PIP4K2A: variants seen among roughly 807,000 people sequenced by gnomAD.
PIP4K2A encodes the protein phosphatidylinositol-5-phosphate 4-kinase type 2 alpha, also known as phosphatidylinositol 5-phosphate 4-kinase type-2 alpha.
Under a neutral mutation model 42.9 loss-of-function variants are expected in PIP4K2A, and 14 were observed. The observed-to-expected ratio is 0.33, with a 90% confidence interval of 0.22 to 0.51. The LOEUF (loss-of-function observed/expected upper bound fraction) is 0.51, where lower values mean the gene tolerates loss of function less well. PIP4K2A is among the 20% of genes least tolerant of loss of function. The pLI is 0.97. For missense variants in PIP4K2A, 434 were observed against 519.8 expected (o/e 0.83, Z 1.61); for synonymous variants, 192 against 192.2 (o/e 1.00, Z 0.01).
Position 22,675,521 on chromosome 10 carries a change from G to C in PIP4K2A, c.144+38662C>G, listed in dbSNP as rs555143962. Among the ~76,000 whole-genome samples, 51 of 152,254 alleles carry C rather than the reference G, an allele frequency of 3.3e-4. No homozygotes were observed. The South Asian group carries it at 0.01, about 30-fold the overall frequency. ...GAATCGCTTGAACCCGGGAGGTGGA[G>C]GTTGCAGTCAGTGAGCCAAGATTGC... On this transcript the variant is annotated intron_variant, in intron 1 of 9. Coordinates refer to ENST00000376573, the MANE Select transcript of PIP4K2A (RefSeq NM_005028.5).
intron 1 of PIP4K2A, among the ~76,000 whole-genome samples, chr10:22,626,602 C>T (rs1838444163): frequency 6.6e-6 from 1 of 152,106 alleles, no homozygotes; most frequent in African/African-American, 2.4e-5. Context: ...AGATTTTTCA[C>T]TTTAGGTTTT....
intron 1 of PIP4K2A, among the ~76,000 whole-genome samples, chr10:22,635,328 G>C (rs1233009155): frequency 6.6e-6 from 1 of 152,198 alleles, no homozygotes; most frequent in Non-Finnish European, 1.5e-5. Context: ...CAGTGGTGGG[G>C]AGGCTGAATG....
intron 1 of PIP4K2A, among the ~76,000 whole-genome samples, chr10:22,670,829 G>A (rs887463559): frequency 2.0e-5 from 3 of 152,076 alleles, no homozygotes; most frequent in South Asian, 4.1e-4. Flanking sequence ...GGACAGTAAC[G>A]TAATTCTAGC....
intron 1 of PIP4K2A, among the ~76,000 whole-genome samples, chr10:22,679,925 T>G (rs1288263866): frequency 1.3e-5 from 2 of 152,114 alleles, no homozygotes; most frequent in Admixed American, 1.3e-4. Context: ...GAAAATGTTC[T>G]AAGATTAGAT....
intron 1 of PIP4K2A, among the ~76,000 whole-genome samples, chr10:22,613,191 T>A (rs149440613): frequency 6.6e-6 from 1 of 151,746 alleles, no homozygotes; most frequent in Admixed American, 6.6e-5. Context: ...CAGGAGGTCC[T>A]TGGCAACCTT....
chr10:22,537,418 G>A lies in PIP4K2A; in HGVS notation c.1141-137C>T, dbSNP rs575510079. On this transcript the variant is annotated intron_variant, in intron 9 of 9. Coordinates refer to ENST00000376573, the MANE Select transcript of PIP4K2A (RefSeq NM_005028.5). ...TTCAAATCCATGCAGTCTCTGCTCT[G>A]AAAAACATCACTCAAAATATCTTGG... is the stretch of plus-strand genomic sequence containing the variant. 4.6e-6 allele frequency: 3 copies of A among 655,912 alleles called. No homozygotes were observed. In the South Asian group the frequency reaches 5.9e-5, roughly 13 times the overall value. The allele number at this position is 655,912 out of a possible 1,614,324, so 40.6% of individuals were successfully genotyped here.
At chr10:22,546,396 G>A (rs776918078) in intron 7 of PIP4K2A, among the ~76,000 whole-genome samples, 23 of 152,104 alleles carry the variant, frequency 1.5e-4, no homozygotes, top group Non-Finnish European at 2.5e-4. Flanking sequence ...GTTAATTCAC[G>A]GGCTCTCATC....
rs983877604 is a variant in PIP4K2A, at chr10:22,617,734, G to C, written c.145-8017C>G. On this transcript the variant is annotated intron_variant, in intron 1 of 9. Transcript: ENST00000376573. ...CGGAAGTGGCAGGGGGCCTGGAGGGGGAGCTATTTCATGGCAGCATGAGCA... is the reference window on the plus strand; with the variant it reads ...CGGAAGTGGCAGGGGGCCTGGAGGGCGAGCTATTTCATGGCAGCATGAGCA... Among the ~76,000 whole-genome samples, 13 of 152,078 alleles carry C rather than the reference G, an allele frequency of 8.5e-5. 1 individual carries two copies. Among genetic ancestry groups the C allele is most frequent in the Non-Finnish European group, 1.6e-4 (11 of 68,020 alleles).
chr10:22,634,192 A>T (rs1243830470), intron 1 of PIP4K2A, among the ~76,000 whole-genome samples: 2 of 152,248 alleles, frequency 1.3e-5, no homozygotes, highest in Admixed American at 1.3e-4. Context: ...ATCACAGAAG[A>T]GACCAAAGAG....
At chr10:22,593,113 G>A (rs1837550548) in intron 3 of PIP4K2A, among the ~76,000 whole-genome samples, 1 of 152,190 alleles carries the variant, frequency 6.6e-6, no homozygotes, top group African/African-American at 2.4e-5. Flanking sequence ...CATTGCAGCA[G>A]TGCAGGGGTT....
At chr10:22,561,558 C>T in intron 6 of PIP4K2A, among the ~76,000 whole-genome samples, 1 of 131,494 alleles carries the variant, frequency 7.6e-6, no homozygotes, top group Non-Finnish European at 1.6e-5. Context: ...CAGAGATTCT[C>T]TACGCAGTTT....
At chr10:22,564,998 G>A (rs1836807882) in intron 6 of PIP4K2A, among the ~76,000 whole-genome samples, 1 of 152,220 alleles carries the variant, frequency 6.6e-6, no homozygotes, top group Non-Finnish European at 1.5e-5. Flanking sequence ...TATCAGCCTA[G>A]TTCCACGAAG....
chr10:22,562,060 G>C (rs1836718815), intron 6 of PIP4K2A, among the ~76,000 whole-genome samples: 1 of 152,084 alleles, frequency 6.6e-6, no homozygotes, highest in South Asian at 2.1e-4. Context: ...TTAGTAGACT[G>C]TTTTGATAGC....
rs555840823 is a variant in PIP4K2A, at chr10:22,572,344, G to A, written c.639+967C>T. Among the ~76,000 whole-genome samples the A allele has an allele frequency of 1.4e-4, 21 of 152,304 alleles. No homozygotes were observed. The South Asian group carries it at 2.1e-3, about 15-fold the overall frequency. The stretch of plus-strand genomic sequence containing the variant: ...TTATAAAATTGGCCCAGCCAGCCGC[G>A]GTGGTTCATGCCTATAATCCCAGCA... On this transcript the variant is annotated intron_variant, in intron 5 of 9. Transcript: ENST00000376573.
intron 1 of PIP4K2A, among the ~76,000 whole-genome samples, chr10:22,676,118 C>T (rs1173070041): frequency 6.6e-6 from 1 of 152,024 alleles, no homozygotes; most frequent in Non-Finnish European, 1.5e-5. Flanking sequence ...TCTGAGCCTC[C>T]GTGGAGAGCA....
chr10:22,538,375 C>A (rs1431271800), intron 9 of PIP4K2A, among the ~76,000 whole-genome samples: 1 of 151,720 alleles, frequency 6.6e-6, no homozygotes, highest in African/African-American at 2.4e-5. Flanking sequence ...GAACATGGAG[C>A]CATATTGGCT....
intron 6 of PIP4K2A, among the ~76,000 whole-genome samples, chr10:22,563,615 G>A (rs1310601004): frequency 6.6e-6 from 1 of 152,136 alleles, no homozygotes; most frequent in Non-Finnish European, 1.5e-5. Context: ...TGCCCTTAAA[G>A]GAAAGGAGAG....
chr10:22,560,075 C>T (rs1273931516), intron 6 of PIP4K2A, among the ~76,000 whole-genome samples: 1 of 152,174 alleles, frequency 6.6e-6, no homozygotes, highest in Non-Finnish European at 1.5e-5. Context: ...GGGAAACTTT[C>T]CCCTGCACTT....
intron 7 of PIP4K2A, among the ~76,000 whole-genome samples, chr10:22,545,835 G>A (rs987335273): frequency 6.6e-6 from 1 of 152,188 alleles, no homozygotes; most frequent in African/African-American, 2.4e-5. Flanking sequence ...CTCCCGAGGA[G>A]CTGGATTACA....
Sources: gnomAD v4.1 joint callset for allele counts (sites outside exome capture counted in the v4.1 genomes callset) on GRCh38, gnomAD v4.1.1 for gene constraint, MANE v1.5 for transcripts, NCBI Gene and HGNC (gene_info 2026-07-23, HGNC 2026-07-21) for gene names.